SV2B: variants seen among roughly 807,000 people sequenced by gnomAD.
SV2B encodes the protein solute carrier family 22 member B2.
SV2B carries 41 observed loss-of-function variants against 73.9 expected under a neutral mutation model. The ratio of observed to expected loss-of-function variants is 0.56; its 90% CI spans 0.43 to 0.72. The LOEUF is 0.72. Ranked by LOEUF, SV2B falls within the 30% of genes least tolerant of loss-of-function variation. The probability of loss-of-function intolerance (pLI) is 0.00; values close to 1 mark genes in which losing one functional copy is unlikely to be tolerated. For missense variants in SV2B, 764 were observed against 857.8 expected (o/e 0.89, Z 1.37); for synonymous variants, 314 against 314.2 (o/e 1.00, Z 0.01).
intron 2 of SV2B, among the ~76,000 whole-genome samples, chr15:91,237,293 C>T (rs1227751341): frequency 6.6e-6 from 1 of 152,148 alleles, no homozygotes. Flanking sequence ...AGGGGCCGTC[C>T]TTTCCATTGT....
At chr15:91,263,419 AACAC>A (rs1255357778) in intron 6 of SV2B, among the ~76,000 whole-genome samples, 3 of 149,208 alleles carry the variant, frequency 2.0e-5, no homozygotes, top group South Asian at 2.1e-4. Flanking sequence ...CAAACACAGA[AACAC>A]ACAGACACAC....
chr15:91,285,739 A>G (rs1003283363), intron 11 of SV2B, among the ~76,000 whole-genome samples: 2 of 152,130 alleles, frequency 1.3e-5, no homozygotes, highest in African/African-American at 4.8e-5. Context: ...GAGTTTACCA[A>G]TGGAGTCTCT....
At chr15:91,176,347 A>G (rs1201963076) in intron 1 of SV2B, among the ~76,000 whole-genome samples, 1 of 151,782 alleles carries the variant, frequency 6.6e-6, no homozygotes, top group Admixed American at 6.6e-5. Flanking sequence ...GCCGCAATAA[A>G]CATACATGTG....
intron 1 of SV2B, among the ~76,000 whole-genome samples, chr15:91,213,641 A>G (rs889769860): frequency 6.6e-6 from 1 of 152,174 alleles, no homozygotes; most frequent in African/African-American, 2.4e-5. Flanking sequence ...CAAAGATCAT[A>G]TACCACCTCC....
chr15:91,274,312 T>C (rs1179632583), intron 9 of SV2B, among the ~76,000 whole-genome samples: 2 of 152,228 alleles, frequency 1.3e-5, no homozygotes, highest in African/African-American at 2.4e-5. Context: ...ATTTAGCTTA[T>C]ACTGTTCTTG....
chr15:91,252,658 C>G lies in SV2B; in HGVS notation c.784+138C>G, dbSNP rs2047536286. ...TGACCTTGATCTTTCTTAACAACTTCTAACATTGCAGACACATTGTTAATT... is the reference window on the plus strand; with the variant it reads ...TGACCTTGATCTTTCTTAACAACTTGTAACATTGCAGACACATTGTTAATT... On this transcript the variant is annotated intron_variant, in intron 4 of 12. Transcript: ENST00000394232. The surrounding 1 kb of genome is among the most constrained non-coding windows in gnomAD (Gnocchi z 4.6). 1.1e-6 allele frequency: 1 copy of G among 920,496 alleles called. No individual in the cohort carries two copies. The highest frequency in any genetic ancestry group is 1.7e-5 in the African/African-American group (1 of 58,014). The allele number at this position is 920,496 out of a possible 1,614,324, so 57.0% of individuals were successfully genotyped here. A position where few individuals can be genotyped will look rare whatever the true frequency, so the allele number is the denominator to read the frequency against.
chr15:91,204,681 C>T (rs886983612), intron 1 of SV2B, among the ~76,000 whole-genome samples: 4 of 151,836 alleles, frequency 2.6e-5, no homozygotes, highest in Non-Finnish European at 5.9e-5. Context: ...CCTCAGCCTC[C>T]TGAGTAGCTG....
At chr15:91,109,983 C>T (rs1291623169) in intron 1 of SV2B, among the ~76,000 whole-genome samples, 5 of 152,142 alleles carry the variant, frequency 3.3e-5, no homozygotes, top group Non-Finnish European at 7.3e-5. Context: ...GCTTGGCCTC[C>T]CAAAGTGCTG....
In SV2B at chr15:91,268,246, C is replaced by T. The variant is rs565693059; in HGVS notation, c.1209-195C>T. 1.5e-4 allele frequency among the ~76,000 whole-genome samples: 23 copies of T among 152,340 alleles called. No individual in the cohort carries two copies. In the South Asian group the frequency reaches 4.8e-3, roughly 32 times the overall value. On this transcript the variant is annotated intron_variant, in intron 8 of 12. Transcript: ENST00000394232. The surrounding 1 kb of genome is among the most constrained non-coding windows in gnomAD (Gnocchi z 4.4). ...ATTTCTTTTAAATCAAATGCCTTTTCAGCATTTATGGAGGTGGTCATAGTT... is the reference window on the plus strand; with the variant it reads ...ATTTCTTTTAAATCAAATGCCTTTTTAGCATTTATGGAGGTGGTCATAGTT...
At chr15:91,166,555 T>A (rs1194519165) in intron 1 of SV2B, among the ~76,000 whole-genome samples, 1 of 151,984 alleles carries the variant, frequency 6.6e-6, no homozygotes, top group Non-Finnish European at 1.5e-5. Flanking sequence ...ACCTATCTTT[T>A]TCTCCTCCTC....
intron 1 of SV2B, among the ~76,000 whole-genome samples, chr15:91,147,650 A>G (rs2043184239): frequency 6.6e-6 from 1 of 152,214 alleles, no homozygotes; most frequent in Non-Finnish European, 1.5e-5. Flanking sequence ...AGTCAGAGAC[A>G]GTTTCAGGTA....
chr15:91,171,926 C>T (rs1205088488), intron 1 of SV2B, among the ~76,000 whole-genome samples: 1 of 152,160 alleles, frequency 6.6e-6, no homozygotes, highest in African/African-American at 2.4e-5. Context: ...TCTGCAGAAT[C>T]ATCCTTCTGA....
chr15:91,113,966 C>T (rs2042106253), intron 1 of SV2B, among the ~76,000 whole-genome samples: 1 of 152,078 alleles, frequency 6.6e-6, no homozygotes, highest in African/African-American at 2.4e-5. Context: ...ACTGTGCCAC[C>T]TTGTCTACTA....
chr15:91,191,426 C>T (rs556322908), intron 1 of SV2B, among the ~76,000 whole-genome samples: 56 of 152,094 alleles, frequency 3.7e-4, no homozygotes, highest in Non-Finnish European at 7.2e-4. Flanking sequence ...TCCCCCCCAC[C>T]TTCATATCGA....
intron 1 of SV2B, among the ~76,000 whole-genome samples, chr15:91,169,414 A>C (rs1379846676): frequency 2.0e-5 from 3 of 146,956 alleles, no homozygotes; most frequent in African/African-American, 5.5e-5. Flanking sequence ...TGAATGAAAG[A>C]CAGCCCCCCC....
chr15:91,202,258 G>T (rs1049005531), intron 1 of SV2B, among the ~76,000 whole-genome samples: 4 of 152,150 alleles, frequency 2.6e-5, no homozygotes, highest in East Asian at 3.9e-4. Context: ...CCACTAGAAG[G>T]TTAGCTCTAT....
intron 1 of SV2B, chr15:91,101,790 A>G (rs1322529199): frequency 6.6e-6 from 1 of 152,164 alleles, no homozygotes; most frequent in Non-Finnish European, 1.5e-5. Flanking sequence ...CTGGGCTGGT[A>G]TTTGCAGTAT....
intron 1 of SV2B, among the ~76,000 whole-genome samples, chr15:91,187,974 C>A (rs1312236893): frequency 6.6e-6 from 1 of 152,072 alleles, no homozygotes. Flanking sequence ...ATGAAACTAT[C>A]TTGTACTCAA....
Position 91,265,072 on chromosome 15 carries a change from G to C in SV2B, c.1009-1510G>C, listed in dbSNP as rs78958819. On this transcript the variant is annotated intron_variant, in intron 6 of 12. Coordinates refer to ENST00000394232, the MANE Select transcript of SV2B (RefSeq NM_001323032.3). This position sits in a 1 kb window ranked among gnomAD's most constrained non-coding sequence, Gnocchi z 4.2. The stretch of plus-strand genomic sequence containing the variant: ...GTAACTGACCTTAGAGAGCCAGCCT[G>C]TGGTTGGCGGTCAGGGGCGGGTACT... Among the ~76,000 whole-genome samples the C allele has an allele frequency of 7.4e-3, 1,122 of 152,348 alleles. 10 individuals are homozygous for C. Among genetic ancestry groups the C allele is most frequent in the African/African-American group, 0.025 (1,044 of 41,570 alleles).
Sources: allele counts gnomAD v4.1 joint callset (sites outside exome capture counted in the v4.1 genomes callset), GRCh38; gene constraint gnomAD v4.1.1; non-coding constraint Gnocchi (gnomAD v3.1); transcripts MANE v1.5; gene names NCBI Gene and HGNC (gene_info 2026-07-23, HGNC 2026-07-21).